The following RGS10 variants were observed in gnomAD, a reference collection of about 807,000 sequenced individuals.
RGS10 encodes the protein regulator of G-protein signalling 10.
RGS10 carries 11 observed loss-of-function variants against 23.5 expected under a neutral mutation model. The observed-to-expected ratio is 0.47, with a 90% CI of 0.29 to 0.77. The LOEUF (loss-of-function observed/expected upper bound fraction) is 0.77, where lower values mean the gene tolerates loss of function less well. Ranked by LOEUF, RGS10 falls within the 30% of genes least tolerant of loss-of-function variation. The pLI, the probability that RGS10 is intolerant of heterozygous loss-of-function variation, is 0.08. For synonymous variants in RGS10, 77 were observed against 83.2 expected (o/e 0.92, Z 0.41); for missense variants, 180 against 226.3 (o/e 0.80, Z 1.31).
intron 4 of RGS10, among the ~76,000 whole-genome samples, chr10:119,506,532 C>G (rs1049800160): frequency 2.6e-5 from 4 of 152,208 alleles, no homozygotes; most frequent in African/African-American, 9.6e-5. Flanking sequence ...ACGTGTGGAG[C>G]GGATTGTCCG....
rs1011329155 is a variant in RGS10, at chr10:119,515,395, G to A, written c.399+114C>T. The A allele has an allele frequency of 4.5e-5, 59 of 1,297,512 alleles. No homozygotes were observed. The Middle Eastern group carries it at 6.1e-4, about 13-fold the overall frequency. 80.4% of individuals were successfully genotyped at this position (1,297,512 alleles called of 1,614,324 possible). ...CCCCTCAGTGTACCTCGGTCTGCCC[G>A]GCCGTATGAGATGGTTTCCAGGGAG... On this transcript the variant is annotated intron_variant, in intron 4 of 4. Transcript: ENST00000369103.
At chr10:119,531,608 AAC>A (rs1490843943) in intron 1 of RGS10, among the ~76,000 whole-genome samples, 1 of 152,282 alleles carries the variant, frequency 6.6e-6, no homozygotes, top group Non-Finnish European at 1.5e-5. Context: ...TACAACTCAA[AAC>A]ACACTAATGT....
Position 119,542,582 on chromosome 10 carries a change from C to A in RGS10, c.49+8G>T. 7.0e-7 allele frequency: 1 copy of A among 1,421,562 alleles called. No homozygotes were observed. Among genetic ancestry groups the A allele is most frequent in the South Asian group, 1.4e-5 (1 of 70,772 alleles). The allele number at this position is 1,421,562 out of a possible 1,614,324, so 88.1% of individuals were successfully genotyped here. On this transcript the variant is annotated splice_region_variant and intron_variant, in intron 1 of 4. Coordinates refer to ENST00000369103, the MANE Select transcript of RGS10 (RefSeq NM_001005339.2). ...ACCCCGAGCCCGCGGGCCCCCGAAG[C>A]CGCTTACCTGACGGCGGCCGCTTCC...
chr10:119,507,297 G>A (rs765907086), intron 4 of RGS10, among the ~76,000 whole-genome samples: 1 of 152,162 alleles, frequency 6.6e-6, no homozygotes, highest in Non-Finnish European at 1.5e-5. Context: ...GGGGACCATG[G>A]TCATGCAGGG....
intron 1 of RGS10, among the ~76,000 whole-genome samples, chr10:119,539,939 A>T (rs1400019335): frequency 7.0e-6 from 1 of 142,026 alleles, no homozygotes; most frequent in African/African-American, 2.6e-5. Flanking sequence ...ATCCTCTTTA[A>T]GAAAAATAAT....
intron 4 of RGS10, among the ~76,000 whole-genome samples, chr10:119,503,740 G>A (rs759878941): frequency 2.6e-5 from 4 of 152,272 alleles, no homozygotes; most frequent in Non-Finnish European, 2.9e-5. Flanking sequence ...CGCTGTCCTC[G>A]GCTCGTAGAC....
intron 3 of RGS10, among the ~76,000 whole-genome samples, chr10:119,523,405 C>T (rs1462691819): frequency 1.3e-5 from 2 of 152,200 alleles, no homozygotes; most frequent in African/African-American, 4.8e-5. Flanking sequence ...TGGCTCACAC[C>T]TGTAATCCCA....
At chr10:119,501,660 C>A (rs1326936572) in intron 4 of RGS10, among the ~76,000 whole-genome samples, 1 of 152,014 alleles carries the variant, frequency 6.6e-6, no homozygotes, top group African/African-American at 2.4e-5. Context: ...GAGGCAAAGG[C>A]TGCAGTGAGC....
intron 1 of RGS10, among the ~76,000 whole-genome samples, chr10:119,531,601 A>AC (rs1844330158): frequency 6.6e-6 from 1 of 152,286 alleles, no homozygotes; most frequent in Admixed American, 6.5e-5. Context: ...AAAATTTTAC[A>AC]ACTCAAAACA....
Position 119,517,339 on chromosome 10 carries a change from C to T in RGS10, c.256-1687G>A, listed in dbSNP as rs945885107. On this transcript the variant is annotated intron_variant, in intron 3 of 4. Transcript: ENST00000369103. This position sits in a 1 kb window ranked among gnomAD's most constrained non-coding sequence, Gnocchi z 5.0. ...ACCCTGTCTTCACTGTCAATAGGAG[C>T]AATGAATCGATGCCAGACTCAGTGA... Among the ~76,000 whole-genome samples the T allele has an allele frequency of 6.6e-6, 1 of 152,184 alleles. No individual in the cohort carries two copies. Among genetic ancestry groups the T allele is most frequent in the African/African-American group, 2.4e-5 (1 of 41,440 alleles).
At chr10:119,521,228 A>C (rs1415054426) in intron 3 of RGS10, among the ~76,000 whole-genome samples, 1 of 152,138 alleles carries the variant, frequency 6.6e-6, no homozygotes, top group African/African-American at 2.4e-5. Flanking sequence ...CCGTGACCTC[A>C]CTATATTCCA....
At chr10:119,516,245 GTCTC>G (rs1844141777) in intron 3 of RGS10, 1 of 75,512 alleles carries the variant, frequency 1.3e-5, no homozygotes, top group Non-Finnish European at 2.7e-5. Context: ...GAGTGAGACT[GTCTC>G]TCAAAAAAAA....
intron 1 of RGS10, among the ~76,000 whole-genome samples, chr10:119,528,246 G>A (rs1844298252): frequency 6.6e-6 from 1 of 152,072 alleles, no homozygotes; most frequent in Non-Finnish European, 1.5e-5. Flanking sequence ...GGCCAGGCTG[G>A]TCTCGAACTC....
In RGS10 at chr10:119,517,107, T is replaced by G. The variant is rs1229944070; in HGVS notation, c.256-1455A>C. Among the ~76,000 whole-genome samples, 1 of 152,222 alleles carries G rather than the reference T, an allele frequency of 6.6e-6. No homozygotes were observed. The highest frequency in any genetic ancestry group is 2.4e-5 in the African/African-American group (1 of 41,458). On this transcript the variant is annotated intron_variant, in intron 3 of 4. Transcript: ENST00000369103. The surrounding 1 kb of genome is among the most constrained non-coding windows in gnomAD (Gnocchi z 5.0). ...TGGGAAATCCCAAGCTCTGCAAACC[T>G]TCTGCCCTTAAGGAAACCACCAGAA...
At chr10:119,534,288 TAAATAAATAAATAAATAAA>T (rs1268862909) in intron 1 of RGS10, among the ~76,000 whole-genome samples, 4 of 96,546 alleles carry the variant, frequency 4.1e-5, no homozygotes, top group Non-Finnish European at 1.0e-4. Flanking sequence ...AATAAATAAA[TAAATAAATAAATAAATAAA>T]AAAGGCCAGG....
chr10:119,526,163 A>G (rs1844271024), intron 2 of RGS10, 45 bp from the exon 3 acceptor site: 2 of 1,038,960 alleles, frequency 1.9e-6, no homozygotes, highest in Admixed American at 5.1e-5. Context: ...CTACTTTAAA[A>G]AAAAAATAAA....
In RGS10 at chr10:119,502,379, G is replaced by A. The variant is rs183953140; in HGVS notation, c.400-2120C>T. ...GACTAATGAAACCAGTTGCACGAAG[G>A]TCCCACCTGGCACCCAGCCTCAGTC... is the stretch of plus-strand genomic sequence containing the variant. On this transcript the variant is annotated intron_variant, in intron 4 of 4. Transcript: ENST00000369103. 2.9e-4 allele frequency among the ~76,000 whole-genome samples: 44 copies of A among 152,202 alleles called. No individual in the cohort carries two copies. The East Asian group carries it at 8.3e-3, about 29-fold the overall frequency.
intron 1 of RGS10, among the ~76,000 whole-genome samples, chr10:119,530,909 A>C (rs1844324575): frequency 6.6e-6 from 1 of 152,194 alleles, no homozygotes; most frequent in Non-Finnish European, 1.5e-5. Context: ...TACGTAAGAG[A>C]ATTATTTGGG....
chr10:119,521,140 G>T (rs1421744523), intron 3 of RGS10, among the ~76,000 whole-genome samples: 1 of 152,138 alleles, frequency 6.6e-6, no homozygotes, highest in Non-Finnish European at 1.5e-5. Context: ...GGAGGCTGAG[G>T]CGAGAGGATT....
Sources: allele counts gnomAD v4.1 joint callset (sites outside exome capture counted in the v4.1 genomes callset), GRCh38; gene constraint gnomAD v4.1.1; non-coding constraint Gnocchi (gnomAD v3.1); transcripts MANE v1.5; gene names NCBI Gene and HGNC (gene_info 2026-07-23, HGNC 2026-07-21).